SESN1: variants seen among roughly 807,000 people sequenced by gnomAD.
SESN1 encodes sestrin 1.
SESN1 carries 30 observed loss-of-function variants against 59.3 expected under a neutral mutation model. The ratio of observed to expected loss-of-function variants is 0.51; its 90% CI spans 0.38 to 0.69. SESN1 has a LOEUF of 0.69. Ranked by LOEUF, SESN1 falls within the 30% of genes least tolerant of loss-of-function variation. The pLI is 0.00. For missense variants in SESN1, 566 were observed against 673.0 expected (o/e 0.84, Z 1.76); for synonymous variants, 197 against 219.9 (o/e 0.90, Z 0.92).
At chr6:109,021,792 A>T (rs1357426370) in intron 1 of SESN1, among the ~76,000 whole-genome samples, 1 of 152,156 alleles carries the variant, frequency 6.6e-6, no homozygotes, top group East Asian at 1.9e-4. Context: ...GTTGAATCAG[A>T]AAAAAAGGTA....
At chr6:109,023,038 C>T (rs1372485717) in intron 1 of SESN1, among the ~76,000 whole-genome samples, 1 of 152,196 alleles carries the variant, frequency 6.6e-6, no homozygotes, top group African/African-American at 2.4e-5. Flanking sequence ...TATGACTGCT[C>T]ACTCCACCCT....
chr6:109,086,924 G>A (rs184826944), intron 1 of SESN1, among the ~76,000 whole-genome samples: 1 of 152,126 alleles, frequency 6.6e-6, no homozygotes, highest in Non-Finnish European at 1.5e-5. Context: ...ACAAGGTCAG[G>A]AGTTCAAGAC....
At chr6:108,991,756 G>C (rs947721728) in intron 7 of SESN1, among the ~76,000 whole-genome samples, 2 of 152,030 alleles carry the variant, frequency 1.3e-5, no homozygotes, top group African/African-American at 4.8e-5. Flanking sequence ...CATCACGCTG[G>C]TCAAAGCCTA....
rs896348203 is a variant in SESN1 at position 109,053,660 on chromosome 6, A to G, written c.279+40135T>C. ...CATGGGCCACATGAAGGACTCTGGC[A>G]TTCCTAAATGCAATGAGAAGGCATT... On this transcript the variant is annotated intron_variant, in intron 1 of 9. Coordinates refer to ENST00000436639, the MANE Select transcript of SESN1 (RefSeq NM_014454.3). 2.0e-5 allele frequency among the ~76,000 whole-genome samples: 3 copies of G among 152,360 alleles called. No individual in the cohort carries two copies. In the East Asian group the frequency reaches 5.8e-4, roughly 29 times the overall value.
rs12527435 is a variant in SESN1, at chr6:109,051,968, T to A, written c.279+41827A>T. Among the ~76,000 whole-genome samples, 125 of 152,298 alleles carry A rather than the reference T, an allele frequency of 8.2e-4. 2 individuals carry two copies. Among genetic ancestry groups the A allele is most frequent in the Admixed American group, 6.7e-3 (102 of 15,290 alleles). On this transcript the variant is annotated intron_variant, in intron 1 of 9. Coordinates refer to ENST00000436639, the MANE Select transcript of SESN1 (RefSeq NM_014454.3). ...TTAAAGACCCCACCTCTTAATACTA[T>A]CACATTGACAGCACCCAAATTTTGG...
intron 1 of SESN1, among the ~76,000 whole-genome samples, chr6:109,010,944 G>C (rs1240918146): frequency 6.6e-6 from 1 of 152,168 alleles, no homozygotes; most frequent in African/African-American, 2.4e-5. Flanking sequence ...AAATGAATGA[G>C]TTGGACACAT....
intron 1 of SESN1, among the ~76,000 whole-genome samples, chr6:109,004,196 A>T (rs1314491308): frequency 1.3e-5 from 2 of 152,210 alleles, no homozygotes; most frequent in African/African-American, 4.8e-5. Flanking sequence ...AAAACATTAT[A>T]GTACTAGAAG....
intron 2 of SESN1, 21 bp downstream of exon 2, chr6:109,002,257 G>A (rs1779641492): frequency 6.2e-7 from 1 of 1,605,370 alleles, no homozygotes; most frequent in African/African-American, 1.3e-5. Context: ...AGTTCACTAT[G>A]TACTTTCACA....
intron 1 of SESN1, among the ~76,000 whole-genome samples, chr6:109,027,733 G>A (rs944670902): frequency 2.6e-5 from 4 of 152,088 alleles, no homozygotes; most frequent in Non-Finnish European, 4.4e-5. Flanking sequence ...ACAGCTCCCC[G>A]TCCCACAACA....
intron 1 of SESN1, among the ~76,000 whole-genome samples, chr6:109,010,952 C>G (rs1267615159): frequency 6.6e-6 from 1 of 152,156 alleles, no homozygotes; most frequent in Non-Finnish European, 1.5e-5. Flanking sequence ...GAGTTGGACA[C>G]ATAAATGCAC....
At chr6:109,069,011 C>G (rs768754345) in intron 1 of SESN1, among the ~76,000 whole-genome samples, 1 of 151,938 alleles carries the variant, frequency 6.6e-6, no homozygotes, top group Non-Finnish European at 1.5e-5. Context: ...TGTGAGCCAC[C>G]GCGCCCAGCC....
chr6:109,087,346 GA>G, intron 1 of SESN1, among the ~76,000 whole-genome samples: 1 of 150,930 alleles, frequency 6.6e-6, no homozygotes, highest in African/African-American at 2.4e-5. Flanking sequence ...AAACAATTTA[GA>G]AAAAAAAAGT....
At chr6:109,058,461 C>G (rs984703235) in intron 1 of SESN1, among the ~76,000 whole-genome samples, 1 of 152,138 alleles carries the variant, frequency 6.6e-6, no homozygotes, top group Admixed American at 6.5e-5. Context: ...TAAGTACACT[C>G]TGTGATGTTT....
At chr6:109,044,224 A>G (rs1780385858) in intron 1 of SESN1, among the ~76,000 whole-genome samples, 1 of 144,078 alleles carries the variant, frequency 6.9e-6, no homozygotes, top group African/African-American at 2.5e-5. Context: ...CTAAGACAGG[A>G]GGGCTGTCTG....
Position 109,001,300 on chromosome 6 carries a change from G to A in SESN1, c.534C>T (p.Tyr178=). The A allele has an allele frequency of 6.2e-7, 1 of 1,613,460 alleles. No homozygotes were observed. Among genetic ancestry groups the A allele is most frequent in the Non-Finnish European group, 8.5e-7 (1 of 1,179,514 alleles). ...DGPLPLHYRH[Y]IGIMAAARHQ... is the part of the protein sequence containing the mutation. Reference sequence around the variant, plus strand: ...AATGTTTACAAACCATTATTCCAATGTAGTGACGATAATGTAGGGGTAACG... The same window carrying A: ...AATGTTTACAAACCATTATTCCAATATAGTGACGATAATGTAGGGGTAACG... Residue 178 remains tyrosine (Y), a synonymous_variant, in exon 3 of 10, where the codon TAC becomes TAT. Transcript: ENST00000436639.
intron 1 of SESN1, among the ~76,000 whole-genome samples, chr6:109,087,763 C>A (rs996715360): frequency 6.6e-6 from 1 of 152,168 alleles, no homozygotes; most frequent in Non-Finnish European, 1.5e-5. Context: ...TGTCTCCAAT[C>A]TGTTATATTT....
intron 1 of SESN1, among the ~76,000 whole-genome samples, chr6:109,012,884 G>A (rs1021694923): frequency 3.3e-5 from 5 of 152,088 alleles, no homozygotes; most frequent in African/African-American, 1.2e-4. Context: ...GGAGGCCGAG[G>A]CAGGGCGGAT....
chr6:109,022,677 G>A (rs1242226146), intron 1 of SESN1, among the ~76,000 whole-genome samples: 2 of 151,874 alleles, frequency 1.3e-5, no homozygotes, highest in African/African-American at 4.8e-5. Flanking sequence ...GCCTCCCAAA[G>A]TGCTGGGATT....
At chr6:109,077,275 A>C (rs1330371008) in intron 1 of SESN1, among the ~76,000 whole-genome samples, 5 of 152,196 alleles carry the variant, frequency 3.3e-5, no homozygotes, top group Non-Finnish European at 7.4e-5. Flanking sequence ...CACTGTAAAA[A>C]GCAAAAACAA....
Sources: gnomAD v4.1 joint callset for allele counts (sites outside exome capture counted in the v4.1 genomes callset) on GRCh38, gnomAD v4.1.1 for gene constraint, MANE v1.5 for transcripts, NCBI Gene and HGNC (gene_info 2026-07-23, HGNC 2026-07-21) for gene names.